The following STK32C variants were observed in gnomAD, a reference collection of about 807,000 sequenced individuals.
The protein encoded by STK32C is serine/threonine-protein kinase 32C.
In STK32C, 31 loss-of-function variants were observed where a neutral mutation model predicts 56.5. The observed-to-expected ratio is 0.55, with a 90% CI of 0.41 to 0.74. The LOEUF is 0.74. Ranked by LOEUF, STK32C falls within the 30% of genes least tolerant of loss-of-function variation. The probability of loss-of-function intolerance (pLI) is 0.00; values close to 1 mark genes in which losing one functional copy is unlikely to be tolerated. For missense variants in STK32C, 544 were observed against 676.9 expected, an observed-to-expected ratio of 0.80 and a Z score of 2.18; for synonymous variants, 309 against 289.4, an observed-to-expected ratio of 1.07 and a Z score of -0.69.
At chr10:132,252,146 G>A (rs541746610) in intron 1 of STK32C, among the ~76,000 whole-genome samples, 13 of 152,226 alleles carry the variant, frequency 8.5e-5, no homozygotes, top group South Asian at 2.1e-4. Flanking sequence ...GGGACATGGC[G>A]GCCTGCTAAC....
chr10:132,332,146 T>G (rs1590558169), upstream of STK32C: 2 of 168,502 alleles, frequency 1.2e-5, no homozygotes, highest in Non-Finnish European at 1.3e-5. Flanking sequence ...GCCTGCGGGA[T>G]TCCGTACCGG....
intron 7 of STK32C, among the ~76,000 whole-genome samples, 190 bp from the exon 8 acceptor site, chr10:132,224,713 CCTGCGCCCTGGCTG>C (rs1315626527): frequency 3.3e-5 from 5 of 152,046 alleles, no homozygotes; most frequent in African/African-American, 1.2e-4. Context: ...ACGCCTGGGT[CCTGCGCCCTGGCTG>C]CTGCGCCCAT....
At chr10:132,254,588 C>A (rs1277078014) in intron 1 of STK32C, among the ~76,000 whole-genome samples, 1 of 29,556 alleles carries the variant, frequency 3.4e-5, no homozygotes, top group Non-Finnish European at 5.8e-5. Flanking sequence ...CGTGCACCCT[C>A]CACGAAGGCT....
downstream of STK32C, among the ~76,000 whole-genome samples, chr10:132,323,183 C>T (rs1445688459): frequency 2.7e-4 from 41 of 152,124 alleles, no homozygotes; most frequent in Non-Finnish European, 5.9e-5. The surrounding 1 kb of genome is among the most constrained non-coding windows in gnomAD (Gnocchi z 4.8). Context: ...TTCTTCCTGC[C>T]CCTTACAATA....
intron 2 of STK32C, among the ~76,000 whole-genome samples, chr10:132,229,930 G>T (rs999196141): frequency 6.6e-6 from 1 of 152,256 alleles, no homozygotes; most frequent in African/African-American, 2.4e-5. Context: ...GCCTCTCCAG[G>T]AAGCTGACAA....
chr10:132,243,501 T>G (rs2063578814), intron 2 of STK32C, among the ~76,000 whole-genome samples: 1 of 152,170 alleles, frequency 6.6e-6, no homozygotes, highest in African/African-American at 2.4e-5. Flanking sequence ...TCTCCAAGTC[T>G]AGATTCCTCC....
Position 132,307,489 on chromosome 10 carries a change from A to T in STK32C, c.262+83T>A, listed in dbSNP as rs1388345503. 2.2e-6 allele frequency: 3 copies of T among 1,390,026 alleles called. No individual in the cohort carries two copies. In the East Asian group the frequency reaches 9.6e-5, roughly 45 times the overall value. 86.1% of individuals were successfully genotyped at this position (1,390,026 alleles called of 1,614,324 possible). ...GGAAGCCGTCCCGGACACCGGGGGA[A>T]CCCCTGCGGGAAAAAGCCGCCCAGC... On this transcript the variant is annotated intron_variant, in intron 1 of 11. Transcript: ENST00000298630. The surrounding 1 kb of genome is among the most constrained non-coding windows in gnomAD (Gnocchi z 4.4).
In STK32C at chr10:132,255,371, G is replaced by T. The variant is rs938848553; in HGVS notation, c.263-9416C>A. ...TCCCACTCCTCAGGTGCCCTGGCCC[G>T]CTAGGTCAACAGGAACCACAGGAGT... On this transcript the variant is annotated intron_variant, in intron 1 of 11. Coordinates refer to ENST00000298630, the MANE Select transcript of STK32C (RefSeq NM_173575.4). This position sits in a 1 kb window ranked among gnomAD's most constrained non-coding sequence, Gnocchi z 4.6. 6.6e-6 allele frequency among the ~76,000 whole-genome samples: 1 copy of T among 152,114 alleles called. No individual in the cohort carries two copies. Among genetic ancestry groups the T allele is most frequent in the South Asian group, 2.1e-4 (1 of 4,828 alleles).
chr10:132,240,259 C>G (rs1022821083), intron 2 of STK32C, among the ~76,000 whole-genome samples: 8 of 152,254 alleles, frequency 5.3e-5, no homozygotes, highest in African/African-American at 1.9e-4. Context: ...TGCAGCGAGT[C>G]CCCCCGATGG....
chr10:132,261,747 G>C (rs116046182), intron 1 of STK32C, among the ~76,000 whole-genome samples: 1 of 152,004 alleles, frequency 6.6e-6, no homozygotes, highest in Non-Finnish European at 1.5e-5. Flanking sequence ...CCTGGGCAAC[G>C]GAGAGACAGT....
In STK32C at chr10:132,219,371, G is replaced by A. The variant is rs147635068; in HGVS notation, c.1251+3270C>T. 9.8e-3 allele frequency among the ~76,000 whole-genome samples: 1,489 copies of A among 151,772 alleles called. 11 individuals carry two copies. The highest frequency in any genetic ancestry group is 0.015 in the Non-Finnish European group (1,011 of 67,950). On this transcript the variant is annotated intron_variant, in intron 10 of 11. Coordinates refer to ENST00000298630, the MANE Select transcript of STK32C (RefSeq NM_173575.4). ...CCCAAGACAAAGCCGAGCTCCTCCC[G>A]CTCACAGGTGCCTGGCCTTACCTGT...
rs548063512 is a variant in STK32C at position 132,307,469 on chromosome 10, C to T, written c.262+103G>A. 7.8e-6 allele frequency: 10 copies of T among 1,281,498 alleles called. No homozygotes were observed. Among genetic ancestry groups the T allele is most frequent in the Admixed American group, 7.8e-5 (2 of 25,654 alleles). 79.4% of individuals were successfully genotyped at this position (1,281,498 alleles called of 1,614,324 possible). ...CCGGAAGCCGGGGCGCCCCGGGAAG[C>T]CGTCCCGGACACCGGGGGAACCCCT... On this transcript the variant is annotated intron_variant, in intron 1 of 11. Transcript: ENST00000298630. This position sits in a 1 kb window ranked among gnomAD's most constrained non-coding sequence, Gnocchi z 4.4.
At chr10:132,217,915 T>C (rs879493466) in intron 10 of STK32C, among the ~76,000 whole-genome samples, 4 of 152,084 alleles carry the variant, frequency 2.6e-5, no homozygotes, top group African/African-American at 9.7e-5. Flanking sequence ...AGTGTGAAAA[T>C]AGACTAATAC....
In STK32C at chr10:132,317,707, A is replaced by G. The variant is rs752803169; in HGVS notation, c.301+13729T>C. Among the ~76,000 whole-genome samples, 7 of 152,128 alleles carry G rather than the reference A, an allele frequency of 4.6e-5. No individual in the cohort carries two copies. The South Asian group carries it at 1.4e-3, about 32-fold the overall frequency. On this transcript the variant is annotated intron_variant, in intron 1 of 3. Transcript: ENST00000368620. ...GCACCAGTGCACTCCAGTTTGGATG[A>G]CAGAGTGAGACACTGTCTAAAAAAA...
rs551000968 is a variant in STK32C at position 132,236,354 on chromosome 10, C to T, written c.319-8226G>A. 5.3e-5 allele frequency among the ~76,000 whole-genome samples: 8 copies of T among 152,352 alleles called. No homozygotes were observed. In the East Asian group the frequency reaches 1.2e-3, roughly 22 times the overall value. On this transcript the variant is annotated intron_variant, in intron 2 of 11. Coordinates refer to ENST00000298630, the MANE Select transcript of STK32C (RefSeq NM_173575.4). The stretch of plus-strand genomic sequence containing the variant: ...GGATGCCACAACCTGTCATGAGGTT[C>T]GCAGAAGGGGGTGACCCGATGGGGT...
chr10:132,260,295 C>CA (rs2064259665), intron 1 of STK32C, among the ~76,000 whole-genome samples: 1 of 152,210 alleles, frequency 6.6e-6, no homozygotes. Context: ...CAGAGTCCGG[C>CA]CCGGGGTCCT....
intron 1 of STK32C, among the ~76,000 whole-genome samples, chr10:132,304,765 G>A (rs558563202): frequency 7.2e-5 from 11 of 152,322 alleles, no homozygotes; most frequent in African/African-American, 2.6e-4. Flanking sequence ...GAGTCTGGTG[G>A]CCCCTGGTCC....
intron 1 of STK32C, among the ~76,000 whole-genome samples, chr10:132,247,941 G>T (rs1211938117): frequency 2.6e-5 from 4 of 152,130 alleles, no homozygotes; most frequent in African/African-American, 4.8e-5. Flanking sequence ...GGGCAGAAAG[G>T]CCGCAGAGGA....
chr10:132,224,251 C>T (rs547020815), intron 8 of STK32C, among the ~76,000 whole-genome samples, 156 bp downstream of exon 8: 2 of 152,270 alleles, frequency 1.3e-5, no homozygotes, highest in Admixed American at 6.5e-5. Context: ...CTTGGGGCTG[C>T]CATCTGCGGA....
Sources: allele counts gnomAD v4.1 joint callset (sites outside exome capture counted in the v4.1 genomes callset), GRCh38; gene constraint gnomAD v4.1.1; non-coding constraint Gnocchi (gnomAD v3.1); transcripts MANE v1.5; gene names NCBI Gene and HGNC (gene_info 2026-07-23, HGNC 2026-07-21).